Variants in ANKRD6 observed in about 807,000 individuals in gnomAD.
ANKRD6 encodes the protein ankyrin repeat domain-containing protein 6.
ANKRD6 carries 56 observed loss-of-function variants against 82.3 expected under a neutral mutation model. The observed-to-expected ratio is 0.68, with a 90% CI of 0.55 to 0.85. ANKRD6 has a LOEUF of 0.85. Among genes scored for constraint, ANKRD6 ranks in the 40% least tolerant of loss-of-function variants. The pLI is 0.00. For missense variants in ANKRD6, 852 were observed against 907.6 expected (o/e 0.94, Z 0.79); for synonymous variants, 347 against 352.1 (o/e 0.99, Z 0.16).
chr6:89,445,532 C>T (rs1365306397), intron 1 of ANKRD6, among the ~76,000 whole-genome samples: 1 of 152,122 alleles, frequency 6.6e-6, no homozygotes, highest in Non-Finnish European at 1.5e-5. Context: ...CCGCAACCTC[C>T]ACCTCCTGGG....
At chr6:89,608,916 C>G (rs1378965592) in intron 5 of ANKRD6, among the ~76,000 whole-genome samples, 2 of 152,208 alleles carry the variant, frequency 1.3e-5, no homozygotes, top group Non-Finnish European at 2.9e-5. Flanking sequence ...CTGACACTGT[C>G]TATAAGCCTC....
At position 89,623,548 on chromosome 6, in the gene ANKRD6, A is replaced by C; in HGVS notation, c.1032+4A>C. 1 of 1,578,470 alleles carries C rather than the reference A, an allele frequency of 6.3e-7. No homozygotes were observed. Among genetic ancestry groups the C allele is most frequent in the Non-Finnish European group, 8.6e-7 (1 of 1,162,028 alleles). ...GAGGAGAAAGTCAAGGCCCAAGGTC[A>C]GGAGACACAGAAAGCAGCCCAGAGG... On this transcript the variant is annotated splice_donor_region_variant and intron_variant, in intron 11 of 15. Transcript: ENST00000339746.
intron 1 of ANKRD6, among the ~76,000 whole-genome samples, chr6:89,476,431 C>T (rs992242749): frequency 2.6e-5 from 4 of 152,112 alleles, no homozygotes; most frequent in East Asian, 3.9e-4. Context: ...TCAGGTGATC[C>T]GCCCACTTTG....
intron 1 of ANKRD6, among the ~76,000 whole-genome samples, chr6:89,434,166 G>A (rs896446454): frequency 6.6e-6 from 1 of 152,162 alleles, no homozygotes; most frequent in African/African-American, 2.4e-5. Flanking sequence ...TGTTAGGTGT[G>A]TGACTTTGGA....
At position 89,460,993 on chromosome 6, in the gene ANKRD6, C is replaced by T. The variant is rs184970508; in HGVS notation, c.-144+27618C>T. On this transcript the variant is annotated intron_variant, in intron 1 of 15. Transcript: ENST00000339746. ...ACAGCTCACTGCAACTTCTGCCTCC[C>T]GGGTTCAAGCGATTCTCCTGCCTCA... is the stretch of plus-strand genomic sequence containing the variant. 2.4e-3 allele frequency among the ~76,000 whole-genome samples: 359 copies of T among 147,946 alleles called. 1 individual carries two copies. Among genetic ancestry groups the T allele is most frequent in the African/African-American group, 8.7e-3 (345 of 39,834 alleles).
chr6:89,597,683 T>G (rs1796205649), intron 3 of ANKRD6, among the ~76,000 whole-genome samples: 1 of 152,220 alleles, frequency 6.6e-6, no homozygotes, highest in Admixed American at 6.5e-5. Flanking sequence ...CAGCTCTACT[T>G]TTAGACAGAG....
Position 89,433,218 on chromosome 6 carries a change from G to C in ANKRD6, c.-301G>C, listed in dbSNP as rs1770172928. 6.6e-6 allele frequency: 1 copy of C among 151,708 alleles called. No homozygotes were observed. The highest frequency in any genetic ancestry group is 3.4e-3 in the Middle Eastern group (1 of 292). 9.4% of individuals were successfully genotyped at this position (151,708 alleles called of 1,614,324 possible). ...GTAACCCGCAGGAGCCGAGAGCGCT[G>C]CCTGGCGCGCGGGCGGCTGGAGGCA... On this transcript the variant is annotated 5_prime_UTR_variant, in exon 1 of 16. Transcript: ENST00000339746. The surrounding 1 kb of genome is among the most constrained non-coding windows in gnomAD (Gnocchi z 4.3).
intron 1 of ANKRD6, among the ~76,000 whole-genome samples, chr6:89,436,999 A>C (rs1292033807): frequency 6.6e-6 from 1 of 152,230 alleles, no homozygotes; most frequent in Non-Finnish European, 1.5e-5. Flanking sequence ...CACTAAAATA[A>C]GAATTTTTAA....
chr6:89,486,255 T>A (rs944926804), intron 1 of ANKRD6, among the ~76,000 whole-genome samples: 4 of 152,172 alleles, frequency 2.6e-5, no homozygotes, highest in African/African-American at 9.7e-5. Flanking sequence ...GTGTGGCACT[T>A]GAGATTGGCA....
intron 1 of ANKRD6, among the ~76,000 whole-genome samples, chr6:89,486,258 G>A (rs1236373709): frequency 6.6e-6 from 1 of 152,146 alleles, no homozygotes; most frequent in South Asian, 2.1e-4. Context: ...TGGCACTTGA[G>A]ATTGGCATTG....
At chr6:89,618,261 C>G (rs1217847359) in intron 9 of ANKRD6, 1 of 676,094 alleles carries the variant, frequency 1.5e-6, no homozygotes, top group African/African-American at 1.8e-5. Context: ...GTGGCTGGAT[C>G]TTTGTCACGG....
chr6:89,622,200 A>C (rs1583892205), intron 10 of ANKRD6, among the ~76,000 whole-genome samples, 174 bp downstream of exon 10: 1 of 152,214 alleles, frequency 6.6e-6, no homozygotes, highest in Middle Eastern at 3.4e-3. Flanking sequence ...CACATCCTCC[A>C]TTCCCCAAGG....
Position 89,626,474 on chromosome 6 carries a change from G to C in ANKRD6, c.1372-1109G>C, listed in dbSNP as rs769879830. 8.3e-4 allele frequency among the ~76,000 whole-genome samples: 126 copies of C among 152,342 alleles called. 1 individual carries two copies. The highest frequency in any genetic ancestry group is 2.9e-3 in the South Asian group (14 of 4,828). On this transcript the variant is annotated intron_variant, in intron 13 of 15. Coordinates refer to ENST00000339746, the MANE Select transcript of ANKRD6 (RefSeq NM_001242809.2). ...ACAGCCACCTGGAGGAAGAGGTTAA[G>C]GGAGTGGGGAGAGTAGGCCAATCCT...
chr6:89,626,306 G>A (rs528156193), intron 13 of ANKRD6, among the ~76,000 whole-genome samples: 2 of 152,366 alleles, frequency 1.3e-5, no homozygotes, highest in Admixed American at 6.5e-5. Context: ...GTTCAAGGGA[G>A]TGACAGATTG....
chr6:89,555,127 T>A (rs1443533787), intron 1 of ANKRD6, among the ~76,000 whole-genome samples: 2 of 138,616 alleles, frequency 1.4e-5, no homozygotes, highest in African/African-American at 2.7e-5. Context: ...AGCGTTTTTT[T>A]ATATAGATGG....
chr6:89,534,444 CT>C (rs1783582192), intron 1 of ANKRD6, among the ~76,000 whole-genome samples: 1 of 152,104 alleles, frequency 6.6e-6, no homozygotes, highest in Admixed American at 6.5e-5. Flanking sequence ...GAAAAAAAAG[CT>C]TGTGCCTCCC....
At chr6:89,470,618 T>TAAC (rs768600325) in intron 1 of ANKRD6, among the ~76,000 whole-genome samples, 5 of 150,442 alleles carry the variant, frequency 3.3e-5, no homozygotes, top group African/African-American at 7.5e-5. Context: ...CCTGCCTCAA[T>TAAC]AATAATAATA....
intron 1 of ANKRD6, among the ~76,000 whole-genome samples, chr6:89,564,861 G>A (rs555781594): frequency 3.9e-5 from 6 of 151,920 alleles, no homozygotes; most frequent in Admixed American, 2.0e-4. Flanking sequence ...GGTAGATGAC[G>A]GGGGGGAGGG....
intron 15 of ANKRD6, 31 bp downstream of exon 15, chr6:89,629,269 A>C: frequency 6.2e-7 from 1 of 1,613,170 alleles, no homozygotes; most frequent in South Asian, 1.1e-5. Context: ...CCTTTTGTCC[A>C]AAAGGAACAC....
Sources: allele counts gnomAD v4.1 joint callset (sites outside exome capture counted in the v4.1 genomes callset), GRCh38; gene constraint gnomAD v4.1.1; non-coding constraint Gnocchi (gnomAD v3.1); transcripts MANE v1.5; gene names NCBI Gene and HGNC (gene_info 2026-07-23, HGNC 2026-07-21).